KIF26B: variants seen among roughly 807,000 people sequenced by gnomAD.
The protein encoded by KIF26B is kinesin family member 26B.
KIF26B carries 63 observed loss-of-function variants against 151.2 expected under a neutral mutation model. The observed-to-expected ratio is 0.42, with a 90% CI of 0.34 to 0.51. The LOEUF is 0.51. Ranked by LOEUF, KIF26B falls within the 20% of genes least tolerant of loss-of-function variation. KIF26B has a pLI of 0.07. For synonymous variants in KIF26B, 1,357 were observed against 1,262.1 expected, an observed-to-expected ratio of 1.08 and a Z score of -1.59; for missense variants, 2,813 against 2,913.6, an observed-to-expected ratio of 0.97 and a Z score of 0.79.
At chr1:245,293,559 A>G (rs1344518620) in intron 2 of KIF26B, among the ~76,000 whole-genome samples, 1 of 148,294 alleles carries the variant, frequency 6.7e-6, no homozygotes. Context: ...TCATTAAAGA[A>G]GGAAGATTTC....
chr1:245,566,867 C>T (rs187656601), intron 5 of KIF26B, among the ~76,000 whole-genome samples: 136 of 152,318 alleles, frequency 8.9e-4, no homozygotes, highest in Admixed American at 4.4e-3. Context: ...ATGGAGGTTG[C>T]AGAAAGCCGA....
rs543398891 is a variant in KIF26B at position 245,532,395 on chromosome 1, G to A, written c.1167-8372G>A. On this transcript the variant is annotated intron_variant, in intron 4 of 14. Coordinates refer to ENST00000407071, the MANE Select transcript of KIF26B (RefSeq NM_018012.4). Reference sequence around the variant, plus strand: ...CGAGTAGCTGGGACTACAGGCGCCCGCCACCATGCCCAGCTAATTTTTTGT... The same window carrying A: ...CGAGTAGCTGGGACTACAGGCGCCCACCACCATGCCCAGCTAATTTTTTGT... Among the ~76,000 whole-genome samples, 28 of 151,582 alleles carry A rather than the reference G, an allele frequency of 1.8e-4. No homozygotes were observed. The South Asian group carries it at 3.4e-3, about 18-fold the overall frequency.
intron 4 of KIF26B, among the ~76,000 whole-genome samples, chr1:245,501,777 C>T (rs1660626070): frequency 6.6e-6 from 1 of 152,216 alleles, no homozygotes. Context: ...CCTTTGTCAA[C>T]ACACAGACGG....
chr1:245,433,770 A>T (rs1407096356), intron 4 of KIF26B, among the ~76,000 whole-genome samples: 9 of 152,104 alleles, frequency 5.9e-5, no homozygotes, highest in African/African-American at 2.2e-4. Flanking sequence ...CATGAAGTGC[A>T]CTGAGATTCC....
intron 2 of KIF26B, among the ~76,000 whole-genome samples, chr1:245,237,209 G>A (rs1273137856): frequency 1.3e-5 from 2 of 152,100 alleles, no homozygotes; most frequent in African/African-American, 4.8e-5. Flanking sequence ...CTAAATGAGG[G>A]CTAGACAGAT....
chr1:245,602,850 G>C lies in KIF26B; in HGVS notation c.1557+67G>C. ...AAGGGCAACGTTTACTCATTCACAA[G>C]GGCCCTTGAGCTGGGAGGGTGTCTT... On this transcript the variant is annotated intron_variant, in intron 6 of 14. Transcript: ENST00000407071. This position sits in a 1 kb window ranked among gnomAD's most constrained non-coding sequence, Gnocchi z 4.5. 6.9e-7 allele frequency: 1 copy of C among 1,457,568 alleles called. No individual in the cohort carries two copies. Among genetic ancestry groups the C allele is most frequent in the Non-Finnish European group, 9.6e-7 (1 of 1,040,226 alleles). 90.3% of individuals were successfully genotyped at this position (1,457,568 alleles called of 1,614,324 possible).
intron 2 of KIF26B, among the ~76,000 whole-genome samples, chr1:245,344,553 T>C (rs907957095): frequency 1.4e-5 from 2 of 139,690 alleles, no homozygotes; most frequent in Non-Finnish European, 3.1e-5. Flanking sequence ...ATGTGGATAA[T>C]GAGCTTTCCT....
rs1051963745 is a variant in KIF26B, at chr1:245,375,611, G to C, written c.999+8244G>C. Among the ~76,000 whole-genome samples the C allele has an allele frequency of 6.6e-6, 1 of 152,124 alleles. No individual in the cohort carries two copies. The highest frequency in any genetic ancestry group is 2.4e-5 in the African/African-American group (1 of 41,390). On this transcript the variant is annotated intron_variant, in intron 3 of 14. Transcript: ENST00000407071. The surrounding 1 kb of genome is among the most constrained non-coding windows in gnomAD (Gnocchi z 4.2). ...CTCCAGAAGAAGCCAGCCCTGCAGG[G>C]CCATTTTTGAGTTCTGGTCTCCAGA...
Position 245,705,838 on chromosome 1 carries a change from C to T in KIF26B, c.*3232C>T, listed in dbSNP as rs1429311701. ...TCAGTTCCCACCTGCGAGCTGCAAA[C>T]TTTGATCTTGTTGTCCTTGAATTCC... On this transcript the variant is annotated 3_prime_UTR_variant, in exon 15 of 15. Transcript: ENST00000407071. 1 of 152,220 alleles carries T rather than the reference C, an allele frequency of 6.6e-6. No homozygotes were observed. 9.4% of individuals were successfully genotyped at this position (152,220 alleles called of 1,614,324 possible).
At chr1:245,424,315 T>G (rs1658571564) in intron 4 of KIF26B, among the ~76,000 whole-genome samples, 1 of 152,130 alleles carries the variant, frequency 6.6e-6, no homozygotes, top group African/African-American at 2.4e-5. Flanking sequence ...CATCAGCTAA[T>G]TTTTGTATTT....
intron 2 of KIF26B, among the ~76,000 whole-genome samples, chr1:245,245,695 G>A (rs1218105568): frequency 4.6e-5 from 7 of 152,246 alleles, no homozygotes; most frequent in Admixed American, 2.6e-4. Flanking sequence ...CACTTTGGGA[G>A]GCCGAGGCGG....
At chr1:245,453,423 T>G (rs1052783958) in intron 4 of KIF26B, among the ~76,000 whole-genome samples, 1 of 152,312 alleles carries the variant, frequency 6.6e-6, no homozygotes, top group East Asian at 1.9e-4. Flanking sequence ...ATTAAAAGAT[T>G]ATTGATTTTG....
chr1:245,542,376 G>A (rs1020029262), intron 5 of KIF26B, among the ~76,000 whole-genome samples: 4 of 152,252 alleles, frequency 2.6e-5, no homozygotes, highest in African/African-American at 9.6e-5. Flanking sequence ...GAACAGAGCA[G>A]TGCCTCCTCT....
intron 4 of KIF26B, among the ~76,000 whole-genome samples, chr1:245,480,320 G>C (rs1464312870): frequency 6.6e-6 from 1 of 151,526 alleles, no homozygotes; most frequent in Non-Finnish European, 1.5e-5. Context: ...TGCAGGGTGG[G>C]ATTGGGCATG....
intron 4 of KIF26B, among the ~76,000 whole-genome samples, chr1:245,420,206 T>G (rs1687094): frequency 0.052 from 7,900 of 152,232 alleles, 689 homozygotes; most frequent in African/African-American, 0.18. Context: ...TGGCAGGTTT[T>G]CTCCCCCGCT....
chr1:245,678,943 G>A (rs1475808699), intron 10 of KIF26B, among the ~76,000 whole-genome samples: 2 of 152,060 alleles, frequency 1.3e-5, no homozygotes, highest in Non-Finnish European at 2.9e-5. Context: ...GGCTGGCTGT[G>A]TGCCTACAGT....
chr1:245,579,004 G>C (rs1266725998), intron 5 of KIF26B, among the ~76,000 whole-genome samples: 2 of 152,086 alleles, frequency 1.3e-5, no homozygotes, highest in African/African-American at 4.8e-5. Flanking sequence ...TAGAAACTGT[G>C]GTTTTTATCC....
intron 2 of KIF26B, among the ~76,000 whole-genome samples, chr1:245,219,561 C>T (rs1028693559): frequency 6.6e-6 from 1 of 151,816 alleles, no homozygotes; most frequent in Non-Finnish European, 1.5e-5. Context: ...GGAGAAACTC[C>T]ATCTCTACAA....
At chr1:245,217,294 T>A (rs971552279) in intron 2 of KIF26B, among the ~76,000 whole-genome samples, 1 of 152,078 alleles carries the variant, frequency 6.6e-6, no homozygotes, top group African/African-American at 2.4e-5. Flanking sequence ...GGAAAAAAAA[T>A]TTCTCTTTAG....
Sources: gnomAD v4.1 joint callset for allele counts (sites outside exome capture counted in the v4.1 genomes callset) on GRCh38, gnomAD v4.1.1 for gene constraint, Gnocchi (gnomAD v3.1) non-coding constraint, MANE v1.5 for transcripts, NCBI Gene and HGNC (gene_info 2026-07-23, HGNC 2026-07-21) for gene names.